Variants in HIBADH observed in about 807,000 individuals in gnomAD.
The protein encoded by HIBADH is 3-hydroxyisobutyrate dehydrogenase, mitochondrial.
HIBADH carries 25 observed loss-of-function variants against 36.1 expected under a neutral mutation model. The ratio of observed to expected loss-of-function variants is 0.69; its 90% CI spans 0.50 to 0.97. The LOEUF (loss-of-function observed/expected upper bound fraction) is 0.97, where lower values mean the gene tolerates loss of function less well. Among genes scored for constraint, HIBADH ranks in the 50% least tolerant of loss-of-function variants. The pLI is 0.00. For synonymous variants in HIBADH, 160 were observed against 149.5 expected (o/e 1.07, Z -0.51); for missense variants, 421 against 418.0 (o/e 1.01, Z -0.06).
intron 4 of HIBADH, among the ~76,000 whole-genome samples, chr7:27,594,851 G>A (rs1011782377): frequency 6.6e-6 from 1 of 151,912 alleles, no homozygotes; most frequent in Non-Finnish European, 1.5e-5. Context: ...TTTGAAATTA[G>A]GGTAAAAAAA....
At chr7:27,591,573 C>T (rs1045290205) in intron 4 of HIBADH, among the ~76,000 whole-genome samples, 2 of 151,992 alleles carry the variant, frequency 1.3e-5, no homozygotes, top group African/African-American at 4.8e-5. Flanking sequence ...AAAATTATCA[C>T]CTAACCCACC....
chr7:27,534,447 G>A (rs1030511362), intron 6 of HIBADH, among the ~76,000 whole-genome samples: 14 of 152,170 alleles, frequency 9.2e-5, no homozygotes, highest in African/African-American at 3.1e-4. Flanking sequence ...CAGTAAGAAG[G>A]AAGCTAAGAG....
At chr7:27,590,553 A>C (rs113542195) in intron 4 of HIBADH, among the ~76,000 whole-genome samples, 1 of 152,198 alleles carries the variant, frequency 6.6e-6, no homozygotes, top group Non-Finnish European at 1.5e-5. Context: ...TCAGCAAAAA[A>C]TAAGCACTGT....
intron 4 of HIBADH, among the ~76,000 whole-genome samples, chr7:27,576,200 T>C (rs887997148): frequency 5.3e-5 from 8 of 152,210 alleles, no homozygotes; most frequent in Non-Finnish European, 8.8e-5. Context: ...ATTACACCTA[T>C]GTTCACTTAA....
At chr7:27,620,221 G>T (rs916655628) in intron 4 of HIBADH, among the ~76,000 whole-genome samples, 1 of 152,086 alleles carries the variant, frequency 6.6e-6, no homozygotes, top group Non-Finnish European at 1.5e-5. Context: ...AGGAGGTTGG[G>T]GTTGGGGGGA....
Position 27,662,837 on chromosome 7 carries a change from G to A in HIBADH, c.-49C>T. The A allele has an allele frequency of 7.3e-7, 1 of 1,361,022 alleles. No homozygotes were observed. Among genetic ancestry groups the A allele is most frequent in the Non-Finnish European group, 9.8e-7 (1 of 1,023,268 alleles). 84.3% of individuals were successfully genotyped at this position (1,361,022 alleles called of 1,614,324 possible). A position where few individuals can be genotyped will look rare whatever the true frequency, so the allele number is the denominator to read the frequency against. Reference sequence around the variant, plus strand: ...GGTGACCTCCGCCGCCTCCCGGAGGGCCCACAGACTGCGAGCGTGTGCAGC... The same window carrying A: ...GGTGACCTCCGCCGCCTCCCGGAGGACCCACAGACTGCGAGCGTGTGCAGC... On this transcript the variant is annotated 5_prime_UTR_variant, in exon 1 of 8. Coordinates refer to ENST00000265395, the MANE Select transcript of HIBADH (RefSeq NM_152740.4).
chr7:27,592,293 CT>C (rs1242510996), intron 4 of HIBADH, among the ~76,000 whole-genome samples: 1 of 152,142 alleles, frequency 6.6e-6, no homozygotes, highest in Non-Finnish European at 1.5e-5. Context: ...GTCCATTTAT[CT>C]TTTTCCTCAG....
At chr7:27,629,318 T>C in intron 4 of HIBADH, 53 bp downstream of exon 4, 1 of 1,562,272 alleles carries the variant, frequency 6.4e-7, no homozygotes, top group Non-Finnish European at 8.7e-7. Flanking sequence ...AAACCATAAT[T>C]GCTACTTTTG....
intron 4 of HIBADH, among the ~76,000 whole-genome samples, chr7:27,613,580 G>T (rs1785371357): frequency 6.6e-6 from 1 of 151,548 alleles, no homozygotes; most frequent in Non-Finnish European, 1.5e-5. Context: ...TCCATTTCCA[G>T]AACTAAAAGT....
At chr7:27,597,888 A>G (rs1380642575) in intron 4 of HIBADH, among the ~76,000 whole-genome samples, 1 of 152,190 alleles carries the variant, frequency 6.6e-6, no homozygotes, top group South Asian at 2.1e-4. Flanking sequence ...AGGATAATAA[A>G]AGTTTGCGAA....
At chr7:27,637,112 C>T (rs776363487) in intron 2 of HIBADH, among the ~76,000 whole-genome samples, 16 of 152,094 alleles carry the variant, frequency 1.1e-4, no homozygotes, top group Non-Finnish European at 1.9e-4. Flanking sequence ...GCAGCAGCAG[C>T]AGTAATAGTA....
intron 4 of HIBADH, among the ~76,000 whole-genome samples, chr7:27,553,741 G>A (rs1784352989): frequency 6.6e-6 from 1 of 152,222 alleles, no homozygotes; most frequent in Non-Finnish European, 1.5e-5. Context: ...ACTCCTGAAA[G>A]CTAAATAGCT....
intron 4 of HIBADH, among the ~76,000 whole-genome samples, chr7:27,601,149 A>C (rs553229222): frequency 1.3e-5 from 2 of 152,242 alleles, no homozygotes; most frequent in African/African-American, 2.4e-5. Context: ...GGTTGATTGG[A>C]TCTTTTTAAC....
intron 1 of HIBADH, among the ~76,000 whole-genome samples, chr7:27,653,749 G>T (rs1786243933): frequency 6.6e-6 from 1 of 151,032 alleles, no homozygotes; most frequent in African/African-American, 2.4e-5. Flanking sequence ...AAAAAAAAAA[G>T]AAATACCATG....
intron 4 of HIBADH, among the ~76,000 whole-genome samples, chr7:27,601,947 T>C (rs930032933): frequency 1.1e-4 from 16 of 152,034 alleles, no homozygotes; most frequent in African/African-American, 3.9e-4. Context: ...GTGATATCGA[T>C]AGAACAAGAA....
rs141953315 is a variant in HIBADH at position 27,633,749 on chromosome 7, CA to C, written c.253-1305del. 7.9e-3 allele frequency among the ~76,000 whole-genome samples: 1,195 copies of C among 152,002 alleles called. 15 individuals carry two copies. Among genetic ancestry groups the C allele is most frequent in the East Asian group, 0.046 (239 of 5,158 alleles). ...CTTTTTTCTCTTCATTAAAAAAAGA[CA>C]AAAGACGATCAGGCAGATTATTGAG... On this transcript the variant is annotated intron_variant, in intron 2 of 7. Transcript: ENST00000265395.
intron 7 of HIBADH, among the ~76,000 whole-genome samples, chr7:27,530,957 T>TAA (rs946792424): frequency 5.3e-5 from 8 of 151,222 alleles, no homozygotes; most frequent in Non-Finnish European, 1.2e-4. Flanking sequence ...CGCACACACA[T>TAA]ACACACACAC....
At chr7:27,544,198 T>TTA (rs549323810) in intron 4 of HIBADH, among the ~76,000 whole-genome samples, 1 of 152,320 alleles carries the variant, frequency 6.6e-6, no homozygotes, top group Admixed American at 6.5e-5. Context: ...AATACAGTAT[T>TTA]TATATATTTT....
intron 1 of HIBADH, 25 bp downstream of exon 1, chr7:27,662,672 AG>A (rs1278372346): frequency 3.2e-6 from 4 of 1,266,812 alleles, no homozygotes; most frequent in Non-Finnish European, 4.0e-6. Context: ...AAGAAGGACA[AG>A]GGGGAGGAGG....
Sources: allele counts gnomAD v4.1 joint callset (sites outside exome capture counted in the v4.1 genomes callset), GRCh38; gene constraint gnomAD v4.1.1; transcripts MANE v1.5; gene names NCBI Gene and HGNC (gene_info 2026-07-23, HGNC 2026-07-21).